LRP1B: variants seen among roughly 807,000 people sequenced by gnomAD.
LRP1B encodes the protein LDL receptor related protein 1B.
A neutral mutation model predicts 556.6 loss-of-function variants in LRP1B; 217 were observed. That is an observed-to-expected ratio of 0.39 (90% confidence interval 0.35 to 0.44). The LOEUF (loss-of-function observed/expected upper bound fraction) is 0.44, where lower values mean the gene tolerates loss of function less well. Among genes scored for constraint, LRP1B ranks in the 20% least tolerant of loss-of-function variants. The pLI, the probability that LRP1B is intolerant of heterozygous loss-of-function variation, is 1.00. For missense variants in LRP1B, 5,053 were observed against 5,620.8 expected (o/e 0.90, Z 3.23); for synonymous variants, 2,047 against 1,865.8 (o/e 1.10, Z -2.50).
rs201695614 is a variant in LRP1B at position 141,005,442 on chromosome 2, C to A, written c.2396G>T (p.Arg799Leu). Residue 799 changes from arginine to leucine, a missense_variant, in exon 15 of 91, where the codon CGA becomes CTA. Transcript: ENST00000389484. ...TGTACTACAGCCCCCATTATTTACT[C>A]GGCACATATTGTCACCTGCAAGAGG... ...PRKQQGDNMCRVNNGGCSTLC... is the reference protein window; with the variant it reads ...PRKQQGDNMCLVNNGGCSTLC... The A allele has an allele frequency of 1.2e-6, 2 of 1,610,488 alleles. No homozygotes were observed. The highest frequency in any genetic ancestry group is 1.7e-6 in the Non-Finnish European group (2 of 1,177,636).
At chr2:141,025,847 A>G (rs1698202833) in intron 11 of LRP1B, among the ~76,000 whole-genome samples, 1 of 152,092 alleles carries the variant, frequency 6.6e-6, no homozygotes, top group South Asian at 2.1e-4. Context: ...GCTGGGAAGA[A>G]GAAGGTCATT....
intron 7 of LRP1B, among the ~76,000 whole-genome samples, chr2:141,136,530 A>C (rs1701496571): frequency 6.6e-6 from 1 of 151,450 alleles, no homozygotes; most frequent in African/African-American, 2.4e-5. Flanking sequence ...TTCCTGCTTT[A>C]ATATCTATCT....
At chr2:142,001,102 C>A (rs1214081957) in intron 1 of LRP1B, among the ~76,000 whole-genome samples, 1 of 152,152 alleles carries the variant, frequency 6.6e-6, no homozygotes, top group Admixed American at 6.6e-5. Flanking sequence ...GTAATATGTG[C>A]TTTTCGCCTT....
chr2:140,766,620 C>CTGATGATGATGA (rs145590728), intron 35 of LRP1B, among the ~76,000 whole-genome samples: 9 of 149,056 alleles, frequency 6.0e-5, no homozygotes, highest in Admixed American at 2.7e-4. Context: ...GCTCTACAGA[C>CTGATGATGATGA]TGATGATGAT....
chr2:140,748,442 TTA>T (rs70988427), intron 35 of LRP1B, among the ~76,000 whole-genome samples: 3 of 109,978 alleles, frequency 2.7e-5, no homozygotes, highest in Admixed American at 1.2e-4. Flanking sequence ...TATATATATA[TTA>T]TATATATATA....
At chr2:140,951,735 T>G in intron 19 of LRP1B, 125 bp downstream of exon 19, 1 of 675,042 alleles carries the variant, frequency 1.5e-6, no homozygotes, top group Non-Finnish European at 2.6e-6. Flanking sequence ...GCTCACCACT[T>G]GTTTTAGCCG....
intron 41 of LRP1B, among the ~76,000 whole-genome samples, chr2:140,679,525 C>T (rs987182255): frequency 2.0e-5 from 3 of 152,120 alleles, no homozygotes; most frequent in Non-Finnish European, 4.4e-5. Flanking sequence ...TTTACCAGTA[C>T]GTAGCGAATG....
chr2:141,807,851 G>A (rs1042079678), intron 2 of LRP1B, among the ~76,000 whole-genome samples: 1 of 152,002 alleles, frequency 6.6e-6, no homozygotes, highest in African/African-American at 2.4e-5. Flanking sequence ...GGTGAATACT[G>A]GTCGGTGCAT....
At chr2:142,007,325 C>A (rs1191738600) in intron 1 of LRP1B, among the ~76,000 whole-genome samples, 2 of 152,122 alleles carry the variant, frequency 1.3e-5, no homozygotes, top group Non-Finnish European at 2.9e-5. Context: ...AGCAATATAA[C>A]ATTAAAGGAT....
At chr2:140,472,760 C>G (rs952034545) in intron 60 of LRP1B, among the ~76,000 whole-genome samples, 2 of 151,706 alleles carry the variant, frequency 1.3e-5, no homozygotes, top group Non-Finnish European at 2.9e-5. Flanking sequence ...GAAAGAATAC[C>G]CAACTTTTTA....
intron 3 of LRP1B, among the ~76,000 whole-genome samples, chr2:141,475,302 G>A (rs1239010486): frequency 6.6e-6 from 1 of 152,120 alleles, no homozygotes; most frequent in Non-Finnish European, 1.5e-5. Context: ...GGGAGGGGGA[G>A]GTTGCCATAA....
Position 141,293,154 on chromosome 2 carries a change from A to C in LRP1B, c.344-38513T>G, listed in dbSNP as rs141528150. Among the ~76,000 whole-genome samples, 515 of 152,342 alleles carry C rather than the reference A, an allele frequency of 3.4e-3. 3 individuals are homozygous for C. The highest frequency in any genetic ancestry group is 0.012 in the African/African-American group (490 of 41,574). The stretch of plus-strand genomic sequence containing the variant: ...GAGATGTCAAATGAAGGAGGAGAAC[A>C]TAAGTCTTTCTGGTATGAAGAAACA... On this transcript the variant is annotated intron_variant, in intron 3 of 90. Transcript: ENST00000389484.
At chr2:140,828,989 T>G (rs1048789191) in intron 31 of LRP1B, among the ~76,000 whole-genome samples, 3 of 152,044 alleles carry the variant, frequency 2.0e-5, no homozygotes, top group African/African-American at 7.2e-5. Context: ...ACTATTCTTA[T>G]AGTAGATAAA....
rs2105165085 is a variant in LRP1B, at chr2:140,370,778, G to A, written c.10940C>T (p.Pro3647Leu). ...AATTCCATCACACAGCCATCTAATT[G>A]GAATACAGTGGGCTTTATTTTTGCA... The part of the protein sequence containing the change: ...FRCKNKAHCI[P>L]IRWLCDGIHD... The change falls in exon 71 of 91, where the codon CCA becomes CTA. Residue 3647 changes from proline to leucine, a missense_variant. By Grantham distance (98) the Pro-to-Leu change is moderately conservative. Around this residue, in one of 5 missense-constraint regions of LRP1B, gnomAD observed 599 missense variants for 648.4 expected, o/e 0.92. Coordinates refer to ENST00000389484, the MANE Select transcript of LRP1B (RefSeq NM_018557.3). 6.2e-7 allele frequency: 1 copy of A among 1,612,644 alleles called. No individual in the cohort carries two copies. The highest frequency in any genetic ancestry group is 2.2e-5 in the East Asian group (1 of 44,782).
intron 6 of LRP1B, among the ~76,000 whole-genome samples, chr2:141,194,976 T>C (rs1477921342): frequency 1.3e-5 from 2 of 152,116 alleles, no homozygotes; most frequent in Non-Finnish European, 2.9e-5. Context: ...ATTAATAAGA[T>C]ATACAGTAGT....
chr2:140,572,114 C>G (rs187159306), intron 43 of LRP1B, among the ~76,000 whole-genome samples: 1 of 151,714 alleles, frequency 6.6e-6, no homozygotes, highest in African/African-American at 2.4e-5. Context: ...ACCTCACAAA[C>G]AGAGACAACA....
chr2:141,161,259 T>C (rs910248539), intron 7 of LRP1B, among the ~76,000 whole-genome samples: 11 of 152,120 alleles, frequency 7.2e-5, no homozygotes, highest in Admixed American at 2.6e-4. Flanking sequence ...GTACTGCTCA[T>C]AGTATACAGA....
intron 1 of LRP1B, among the ~76,000 whole-genome samples, chr2:141,825,802 A>C (rs1373124816): frequency 6.6e-6 from 1 of 152,208 alleles, no homozygotes; most frequent in Non-Finnish European, 1.5e-5. Context: ...GTAACATTTT[A>C]ATATTAACAG....
At chr2:142,067,920 T>G (rs1705166839) in intron 1 of LRP1B, among the ~76,000 whole-genome samples, 1 of 151,602 alleles carries the variant, frequency 6.6e-6, no homozygotes, top group African/African-American at 2.4e-5. Flanking sequence ...GAAATAAATG[T>G]ACACTTTGAT....
Sources: gnomAD v4.1 joint callset for allele counts (sites outside exome capture counted in the v4.1 genomes callset) on GRCh38, gnomAD v4.1.1 for gene constraint, gnomAD v4.1.1 regional missense constraint, MANE v1.5 for transcripts, NCBI Gene and HGNC (gene_info 2026-07-23, HGNC 2026-07-21) for gene names.